Variants in IFT43 observed in about 807,000 individuals in gnomAD.
The protein encoded by IFT43 is intraflagellar transport protein 43 homolog.
In IFT43, 33 loss-of-function variants were observed where a neutral mutation model predicts 32.3. The ratio of observed to expected loss-of-function variants is 1.02; its 90% CI spans 0.77 to 1.37. The LOEUF (loss-of-function observed/expected upper bound fraction) is 1.37, where lower values mean the gene tolerates loss of function less well. Ranked by LOEUF, IFT43 falls within the 40% of genes most tolerant of loss-of-function variation. The pLI is 0.00. For synonymous variants in IFT43, 93 were observed against 98.2 expected (o/e 0.95, Z 0.31); for missense variants, 274 against 265.9 (o/e 1.03, Z -0.21).
intron 5 of IFT43, among the ~76,000 whole-genome samples, chr14:76,081,649 G>C (rs866494599): frequency 1.2e-4 from 19 of 152,332 alleles, no homozygotes; most frequent in Middle Eastern, 6.8e-3. Flanking sequence ...TTCAGAGATG[G>C]AAAATCTTGA....
At chr14:76,066,085 G>T (rs951397472) in intron 5 of IFT43, among the ~76,000 whole-genome samples, 1 of 152,206 alleles carries the variant, frequency 6.6e-6, no homozygotes, top group Admixed American at 6.5e-5. Context: ...ATACACTGGC[G>T]TCTCCTTCCA....
intron 2 of IFT43, among the ~76,000 whole-genome samples, chr14:75,990,554 G>A (rs1408039945): frequency 6.6e-6 from 1 of 152,212 alleles, no homozygotes; most frequent in Non-Finnish European, 1.5e-5. Flanking sequence ...GCAGGATGAG[G>A]TGGGGTCAAG....
At chr14:76,003,276 T>C (rs138446285) in intron 2 of IFT43, among the ~76,000 whole-genome samples, 6 of 152,224 alleles carry the variant, frequency 3.9e-5, no homozygotes, top group Non-Finnish European at 7.4e-5. Flanking sequence ...TTTTTTTTAG[T>C]GATTACTCTA....
chr14:75,999,265 ATATATATGTATATATATTT>A (rs1446099066), intron 2 of IFT43, among the ~76,000 whole-genome samples: 33 of 23,736 alleles, frequency 1.4e-3, no homozygotes, highest in Non-Finnish European at 7.2e-4. Context: ...ATATATATAT[ATATATATGTATATATATTT>A]TTTTTTTTTT....
intron 2 of IFT43, among the ~76,000 whole-genome samples, chr14:76,004,959 AT>A (rs941700565): frequency 4.2e-4 from 64 of 152,102 alleles, no homozygotes; most frequent in African/African-American, 1.4e-3. Flanking sequence ...CTGTTCATTC[AT>A]TATGGCCATC....
At chr14:76,042,660 G>T (rs1415218307) in intron 3 of IFT43, among the ~76,000 whole-genome samples, 1 of 152,212 alleles carries the variant, frequency 6.6e-6, no homozygotes, top group Non-Finnish European at 1.5e-5. Flanking sequence ...TGCCAGCCCT[G>T]CCATTAAAAG....
At chr14:76,013,920 CA>C in intron 2 of IFT43, 1 of 233,372 alleles carries the variant, frequency 4.3e-6, no homozygotes, top group Non-Finnish European at 9.3e-6. Context: ...CAAACAATGA[CA>C]AAAAGGAGCA....
At chr14:75,999,268 TATATGTA>T (rs2035830847) in intron 2 of IFT43, among the ~76,000 whole-genome samples, 26 of 25,496 alleles carry the variant, frequency 1.0e-3, no homozygotes, top group African/African-American at 2.6e-3. Flanking sequence ...TATATATATA[TATATGTA>T]TATATATTTT....
At chr14:76,068,121 T>G (rs892868570) in intron 5 of IFT43, among the ~76,000 whole-genome samples, 1 of 152,164 alleles carries the variant, frequency 6.6e-6, no homozygotes, top group African/African-American at 2.4e-5. Context: ...TGTTAGTGGC[T>G]TACATTACTA....
chr14:76,074,578 T>G (rs58618951), intron 5 of IFT43, among the ~76,000 whole-genome samples: 52,805 of 152,152 alleles, frequency 0.35, 9,284 homozygotes, highest in African/African-American at 0.4. Flanking sequence ...CCTGCAAGGC[T>G]GAGTCCTGGC....
At position 76,029,140 on chromosome 14, in the gene IFT43, G is replaced by A. The variant is rs191019359; in HGVS notation, c.215+6746G>A. Among the ~76,000 whole-genome samples the A allele has an allele frequency of 3.3e-5, 5 of 152,082 alleles. No individual in the cohort carries two copies. The East Asian group carries it at 7.7e-4, about 24-fold the overall frequency. ...GCCTCACCAACATCTGTTATTTTTT[G>A]ACTTTTTAACAATAGCCATTCTGAC... On this transcript the variant is annotated intron_variant, in intron 3 of 8. Coordinates refer to ENST00000314067, the MANE Select transcript of IFT43 (RefSeq NM_001102564.3).
chr14:76,049,771 CA>C (rs1396338544), intron 3 of IFT43, among the ~76,000 whole-genome samples: 1 of 151,582 alleles, frequency 6.6e-6, no homozygotes, highest in Non-Finnish European at 1.5e-5. Flanking sequence ...CTGCAGGATA[CA>C]AGGTAAGTTG....
intron 5 of IFT43, among the ~76,000 whole-genome samples, chr14:76,073,606 T>G (rs1188845555): frequency 6.6e-6 from 1 of 152,056 alleles, no homozygotes; most frequent in African/African-American, 2.4e-5. Flanking sequence ...CACACATCTC[T>G]GTGTGTGTGT....
chr14:76,059,729 G>T, intron 5 of IFT43: 1 of 357,156 alleles, frequency 2.8e-6, no homozygotes, highest in South Asian at 2.3e-5. Flanking sequence ...ATATTTACTA[G>T]GTGTTGACTA....
chr14:76,032,104 G>A (rs555289876), intron 3 of IFT43, among the ~76,000 whole-genome samples: 2 of 152,076 alleles, frequency 1.3e-5, no homozygotes, highest in African/African-American at 4.8e-5. Flanking sequence ...CCTAGATCTC[G>A]GTAAGTGGTG....
chr14:76,008,456 C>T (rs2139916495), intron 2 of IFT43, among the ~76,000 whole-genome samples: 1 of 152,256 alleles, frequency 6.6e-6, no homozygotes, highest in East Asian at 1.9e-4. Flanking sequence ...TCTCCAGTGT[C>T]TACAGTAGAC....
intron 3 of IFT43, among the ~76,000 whole-genome samples, chr14:76,033,132 T>A (rs990623088): frequency 2.6e-5 from 4 of 151,990 alleles, no homozygotes; most frequent in Non-Finnish European, 5.9e-5. Context: ...TTTGAGAAAG[T>A]GGTTACAGTC....
chr14:76,018,551 G>T (rs532275659), intron 2 of IFT43, among the ~76,000 whole-genome samples: 4 of 152,132 alleles, frequency 2.6e-5, no homozygotes, highest in Non-Finnish European at 5.9e-5. Context: ...TTTAGTAAAT[G>T]TCTGTTAGTT....
chr14:76,060,577 G>A (rs920842607), intron 5 of IFT43, among the ~76,000 whole-genome samples: 1 of 151,252 alleles, frequency 6.6e-6, no homozygotes, highest in Admixed American at 6.6e-5. Flanking sequence ...CACACTCCTT[G>A]TTTGTTTGTG....
Sources: allele counts gnomAD v4.1 joint callset (sites outside exome capture counted in the v4.1 genomes callset), GRCh38; gene constraint gnomAD v4.1.1; transcripts MANE v1.5; gene names NCBI Gene and HGNC (gene_info 2026-07-23, HGNC 2026-07-21).